Variants in ACCS observed in about 807,000 individuals in gnomAD.
The protein encoded by ACCS is 1-aminocyclopropane-1-carboxylate synthase homolog (inactive).
ACCS carries 42 observed loss-of-function variants against 59.8 expected under a neutral mutation model. The observed-to-expected ratio is 0.70, with a 90% CI of 0.55 to 0.91. The LOEUF is 0.91. Ranked by LOEUF, ACCS falls within the 40% of genes least tolerant of loss-of-function variation. The pLI is 0.00. For missense variants in ACCS, 602 were observed against 630.4 expected, an observed-to-expected ratio of 0.95 and a Z score of 0.48; for synonymous variants, 230 against 240.3, an observed-to-expected ratio of 0.96 and a Z score of 0.40.
chr11:44,078,146 A>G (rs764870527), intron 8 of ACCS: 49 of 565,540 alleles, frequency 8.7e-5, no homozygotes, highest in Non-Finnish European at 1.3e-4. Context: ...TTCACAGAGA[A>G]TCAACCAGGG....
At chr11:44,079,488 C>A in intron 9 of ACCS, 43 bp from the exon 10 acceptor site, 1 of 1,541,382 alleles carries the variant, frequency 6.5e-7, no homozygotes, top group Non-Finnish European at 8.9e-7. Context: ...ACGCATCTGC[C>A]CTACACACTA....
intron 2 of ACCS, among the ~76,000 whole-genome samples, chr11:44,069,839 A>G (rs534394036): frequency 6.6e-6 from 1 of 152,340 alleles, no homozygotes; most frequent in South Asian, 2.1e-4. Flanking sequence ...ACATCCCATC[A>G]CATCTGCCTA....
chr11:44,082,608 AT>A (rs1953690173), intron 12 of ACCS, among the ~76,000 whole-genome samples: 2 of 152,220 alleles, frequency 1.3e-5, no homozygotes, highest in African/African-American at 4.8e-5. Context: ...AGATCTGTTT[AT>A]AGTCACATCA....
chr11:44,075,814 C>T (rs900855739), intron 6 of ACCS: 2 of 525,686 alleles, frequency 3.8e-6, no homozygotes, highest in Non-Finnish European at 6.8e-6. Flanking sequence ...TCTGCCATGA[C>T]CTTGGCTGCT....
rs192556143 is a variant in ACCS, at chr11:44,083,193, C to T, written c.1136C>T (p.Pro379Leu). The T allele has an allele frequency of 8.1e-5, 131 of 1,614,190 alleles. No individual in the cohort carries two copies. The highest frequency in any genetic ancestry group is 7.5e-4 in the African/African-American group (56 of 75,048). The change falls in exon 13 of 15, where the codon CCG (proline) becomes CTG (leucine). Residue 379 changes from proline (P) to leucine (L), a missense_variant. By Grantham distance (98) the Pro-to-Leu change is moderately conservative (BLOSUM62 -3). Coordinates refer to ENST00000263776, the MANE Select transcript of ACCS (RefSeq NM_032592.4). ...GACTGGATCAACCAGGTGTACCTGC[C>T]GGAAAACCATGCCCGGCTCAAGGCT... ...DRDWINQVYL[P>L]ENHARLKAAH...
rs1952863476 is a variant in ACCS, at chr11:44,067,851, A to T, written c.224A>T (p.Asp75Val). ...GGAAGAATGATTAAATGGTTCTGGGATTCAGCTGAGGAGGGCTACAGGACC... is the reference window on the plus strand; with the variant it reads ...GGAAGAATGATTAAATGGTTCTGGGTTTCAGCTGAGGAGGGCTACAGGACC... ...SRGRMIKWFW[D>V]SAEEGYRTYH... Residue 75 changes from aspartate to valine, a missense_variant, in exon 2 of 15, where the codon GAT (aspartate) becomes GTT (valine). Physicochemically the swap from Asp to Val is radical, Grantham distance 152. Coordinates refer to ENST00000263776, the MANE Select transcript of ACCS (RefSeq NM_032592.4). The T allele has an allele frequency of 6.2e-7, 1 of 1,614,084 alleles. No individual in the cohort carries two copies. The highest frequency in any genetic ancestry group is 1.1e-5 in the South Asian group (1 of 91,074).
At chr11:44,078,657 G>T in intron 8 of ACCS, 27 bp from the exon 9 acceptor site, 4 of 1,609,160 alleles carry the variant, frequency 2.5e-6, no homozygotes, top group Non-Finnish European at 3.4e-6. Flanking sequence ...AGAGCTGAGG[G>T]TCTCCTGCCC....
chr11:44,073,497 T>C lies in ACCS; in HGVS notation c.399T>C (p.Ala133=), dbSNP rs767062018. The C allele has an allele frequency of 1.9e-6, 3 of 1,608,924 alleles. No individual in the cohort carries two copies. Among genetic ancestry groups the C allele is most frequent in the Non-Finnish European group, 2.5e-6 (3 of 1,177,818 alleles). Residue 133 remains alanine, a synonymous_variant, in exon 4 of 15, where the codon GCT becomes GCC. Transcript: ENST00000263776. The stretch of plus-strand genomic sequence containing the variant: ...TGGAGCCATCCCTGCTGCAGTATGC[T>C]GACTGGAGGGGACATCTGTTGTAAG... ...QRVEPSLLQY[A]DWRGHLFLRE...
chr11:44,069,730 C>T (rs1952962665), intron 2 of ACCS, among the ~76,000 whole-genome samples: 1 of 152,210 alleles, frequency 6.6e-6, no homozygotes, highest in South Asian at 2.1e-4. Context: ...GGCATGGTAG[C>T]TGGCTTCTCT....
At chr11:44,074,198 A>G (rs897037037) in intron 4 of ACCS, among the ~76,000 whole-genome samples, 1 of 152,124 alleles carries the variant, frequency 6.6e-6, no homozygotes, top group Admixed American at 6.5e-5. Context: ...TAATAATAAT[A>G]ATGATAGTAG....
At position 44,083,564 on chromosome 11, in the gene ACCS, C is replaced by T. The variant is rs770178860; in HGVS notation, c.1395C>T (p.His465=). The change falls in exon 14 of 15, where the codon CAC becomes CAT. Residue 465 remains histidine, a synonymous_variant. Coordinates refer to ENST00000263776, the MANE Select transcript of ACCS (RefSeq NM_032592.4). ...WFRFVFSDQV[H]RLCLGMQRVQ... ...GCTTTGTCTTCTCAGACCAGGTCCA[C>T]CGGCTTTGCCTGGGTGAGCAGCCTG... The T allele has an allele frequency of 9.3e-6, 15 of 1,614,274 alleles. No individual in the cohort carries two copies. Among genetic ancestry groups the T allele is most frequent in the Middle Eastern group, 3.3e-4 (2 of 6,062 alleles).
chr11:44,073,834 C>T (rs1953181200), intron 4 of ACCS, among the ~76,000 whole-genome samples: 1 of 152,138 alleles, frequency 6.6e-6, no homozygotes, highest in Middle Eastern at 3.2e-3. Context: ...ATGGGGAGGG[C>T]CTTCAGGTGA....
At chr11:44,069,178 G>A (rs1952928972) in intron 2 of ACCS, among the ~76,000 whole-genome samples, 3 of 152,052 alleles carry the variant, frequency 2.0e-5, no homozygotes, top group Admixed American at 1.3e-4. Context: ...TGGAGTTCAG[G>A]AATCCTGGTG....
Position 44,082,919 on chromosome 11 carries a change from G to A in ACCS, c.1112-250G>A, listed in dbSNP as rs552201905. On this transcript the variant is annotated intron_variant, in intron 12 of 14. Transcript: ENST00000263776. ...GATTCTTTATCCTGGGGGACTTTGC[G>A]CTGAGGGGGTGTGGGACCTGGAGCT... Among the ~76,000 whole-genome samples the A allele has an allele frequency of 4.6e-5, 7 of 152,106 alleles. No individual in the cohort carries two copies. The South Asian group carries it at 6.2e-4, about 14-fold the overall frequency.
intron 8 of ACCS, 62 bp downstream of exon 8, chr11:44,077,984 C>G: frequency 1.3e-6 from 2 of 1,559,544 alleles, no homozygotes; most frequent in Non-Finnish European, 1.7e-6. Context: ...GTCTGGACCC[C>G]TCTTCTTGTG....
In ACCS at chr11:44,083,914, G is replaced by A. The variant is rs1953754805; in HGVS notation, c.*122G>A. On this transcript the variant is annotated 3_prime_UTR_variant, in exon 15 of 15. Transcript: ENST00000263776. Reference sequence around the variant, plus strand: ...AGGAAGGTATCTAACTTGGCTTTGTGCCTGAAGAACTGTTTCTTGTCTTTC... The same window carrying A: ...AGGAAGGTATCTAACTTGGCTTTGTACCTGAAGAACTGTTTCTTGTCTTTC... 2 of 1,493,534 alleles carry A rather than the reference G, an allele frequency of 1.3e-6. No individual in the cohort carries two copies. Among genetic ancestry groups the A allele is most frequent in the African/African-American group, 2.8e-5 (2 of 71,754 alleles). The allele number at this position is 1,493,534 out of a possible 1,614,324, so 92.5% of individuals were successfully genotyped here.
chr11:44,070,847 C>T (rs1029741310), intron 2 of ACCS, among the ~76,000 whole-genome samples: 1 of 152,180 alleles, frequency 6.6e-6, no homozygotes, highest in East Asian at 1.9e-4. Flanking sequence ...CTAAACCCCT[C>T]GAGAGAAACA....
rs761418152 is a variant in ACCS, at chr11:44,081,278, G to GGCTT, written c.1071_1074dup (p.Val359LeufsTer14). On this transcript the variant is annotated frameshift_variant, in exon 12 of 15. Transcript: ENST00000263776. LOFTEE classifies it high-confidence loss of function. ...CCTCTGCCGCTACCACGGCCTCAGT[G>GGCTT]GCTTGGTCCAGTACCAGATGGCACA... is the stretch of plus-strand genomic sequence containing the variant. The GGCTT allele has an allele frequency of 2.5e-6, 4 of 1,614,130 alleles. No individual in the cohort carries two copies. The African/African-American group carries it at 4.0e-5, about 16-fold the overall frequency.
At chr11:44,077,963 G>A (rs939250464) in intron 8 of ACCS, 41 bp downstream of exon 8, 40 of 1,603,842 alleles carry the variant, frequency 2.5e-5, no homozygotes, top group Non-Finnish European at 3.4e-5. Context: ...GTGTGGGTGG[G>A]TCTGAGCAGG....
Sources: gnomAD v4.1 joint callset for allele counts (sites outside exome capture counted in the v4.1 genomes callset) on GRCh38, gnomAD v4.1.1 for gene constraint, MANE v1.5 for transcripts, NCBI Gene and HGNC (gene_info 2026-07-23, HGNC 2026-07-21) for gene names.